Variants in AGBL4 observed in about 807,000 individuals in gnomAD.
The protein encoded by AGBL4 is AGBL carboxypeptidase 4.
Under a neutral mutation model 66.4 loss-of-function variants are expected in AGBL4, and 58 were observed. That is an observed-to-expected ratio of 0.87 (90% CI 0.71 to 1.09). The LOEUF (loss-of-function observed/expected upper bound fraction) is 1.09. AGBL4 is among the 50% of genes least tolerant of loss of function. AGBL4 has a pLI of 0.00. For synonymous variants in AGBL4, 234 were observed against 222.9 expected, an observed-to-expected ratio of 1.05 and a Z score of -0.44; for missense variants, 579 against 631.0, an observed-to-expected ratio of 0.92 and a Z score of 0.88.
At chr1:48,604,598 C>G (rs1645128170) in intron 9 of AGBL4, among the ~76,000 whole-genome samples, 1 of 151,610 alleles carries the variant, frequency 6.6e-6, no homozygotes, top group Admixed American at 6.6e-5. Context: ...TGTTAGGATA[C>G]AGAATCAAAG....
At chr1:48,968,789 T>C (rs969915911) in intron 5 of AGBL4, among the ~76,000 whole-genome samples, 31 of 152,008 alleles carry the variant, frequency 2.0e-4, no homozygotes, top group African/African-American at 7.0e-4. Context: ...TTTCATAAGC[T>C]TGCAACACCA....
chr1:48,766,977 A>C lies in AGBL4; in HGVS notation c.634+100214T>G, dbSNP rs146612259. On this transcript the variant is annotated intron_variant, in intron 6 of 13. Transcript: ENST00000371839. ...GTGACTTCGTGAGAGACACTGGCTT[A>C]TATAGTGCAAATATCTGCTCTCTAT... Among the ~76,000 whole-genome samples, 503 of 152,356 alleles carry C rather than the reference A, an allele frequency of 3.3e-3. 1 individual carries two copies. Among genetic ancestry groups the C allele is most frequent in the African/African-American group, 0.012 (479 of 41,592 alleles).
chr1:49,491,804 A>C (rs1240184301), intron 3 of AGBL4, among the ~76,000 whole-genome samples: 1 of 151,926 alleles, frequency 6.6e-6, no homozygotes, highest in Non-Finnish European at 1.5e-5. Context: ...TCCAAAATGC[A>C]ATATAGTAGT....
intron 3 of AGBL4, among the ~76,000 whole-genome samples, chr1:49,421,705 C>T (rs188315873): frequency 5.3e-5 from 8 of 152,230 alleles, no homozygotes; most frequent in East Asian, 1.9e-4. Flanking sequence ...TCTTTTAATT[C>T]TACCTGTATT....
At chr1:48,896,457 C>G (rs1651518743) in intron 5 of AGBL4, among the ~76,000 whole-genome samples, 1 of 152,240 alleles carries the variant, frequency 6.6e-6, no homozygotes, top group Non-Finnish European at 1.5e-5. Context: ...CACATCATAG[C>G]TGGCCTATGT....
chr1:48,577,664 C>G (rs972554509), intron 11 of AGBL4, among the ~76,000 whole-genome samples: 2 of 151,672 alleles, frequency 1.3e-5, no homozygotes, highest in Non-Finnish European at 2.9e-5. Context: ...CAAGGCAGGG[C>G]TCACAACAGG....
chr1:49,791,297 A>C (rs1275075356), intron 2 of AGBL4, among the ~76,000 whole-genome samples: 1 of 152,106 alleles, frequency 6.6e-6, no homozygotes, highest in Non-Finnish European at 1.5e-5. Context: ...TGGAATACTA[A>C]ATATATGCAT....
Position 49,277,851 on chromosome 1 carries a change from T to C in AGBL4, c.283-31987A>G, listed in dbSNP as rs967795003. Among the ~76,000 whole-genome samples the C allele has an allele frequency of 4.6e-5, 7 of 152,294 alleles. No homozygotes were observed. In the South Asian group the frequency reaches 1.5e-3, roughly 32 times the overall value. The stretch of plus-strand genomic sequence containing the variant: ...TTTCCCATATTGTTTTCTCTGTTTG[T>C]TTCCAGAATCCACTGAATGGTGTTC... On this transcript the variant is annotated intron_variant, in intron 3 of 13. Transcript: ENST00000371839.
At chr1:49,354,480 CT>C (rs1290601688) in intron 3 of AGBL4, among the ~76,000 whole-genome samples, 1 of 152,158 alleles carries the variant, frequency 6.6e-6, no homozygotes, top group Non-Finnish European at 1.5e-5. Context: ...CTTTTAAATG[CT>C]AGAGAACCCC....
At chr1:49,561,245 T>A (rs930169045) in intron 3 of AGBL4, among the ~76,000 whole-genome samples, 9 of 150,274 alleles carry the variant, frequency 6.0e-5, no homozygotes, top group Non-Finnish European at 1.3e-4. Flanking sequence ...TTAAGTTTTC[T>A]TTTTAAAAAA....
chr1:49,612,622 A>G (rs997009667), intron 3 of AGBL4, among the ~76,000 whole-genome samples: 3 of 152,224 alleles, frequency 2.0e-5, no homozygotes, highest in Non-Finnish European at 4.4e-5. Context: ...ACAAACATGA[A>G]AAAATGCTCA....
chr1:49,434,029 CGTG>C (rs1180287004), intron 3 of AGBL4, among the ~76,000 whole-genome samples: 26 of 152,122 alleles, frequency 1.7e-4, no homozygotes, highest in Non-Finnish European at 3.7e-4. Context: ...GTGTGAGGAT[CGTG>C]CTATACACTT....
chr1:48,611,815 C>A (rs1448222502), intron 9 of AGBL4, among the ~76,000 whole-genome samples: 1 of 152,232 alleles, frequency 6.6e-6, no homozygotes, highest in African/African-American at 2.4e-5. Context: ...CGCTTCGGAT[C>A]TGTGTGAGAC....
chr1:48,859,206 T>C (rs1330461747), intron 6 of AGBL4, among the ~76,000 whole-genome samples: 1 of 152,138 alleles, frequency 6.6e-6, no homozygotes, highest in Non-Finnish European at 1.5e-5. Context: ...TATTTCTGGA[T>C]GTGTTGAATA....
chr1:49,527,892 A>G (rs1185665597), intron 3 of AGBL4, among the ~76,000 whole-genome samples: 1 of 152,154 alleles, frequency 6.6e-6, no homozygotes, highest in Non-Finnish European at 1.5e-5. Context: ...ATCAAAAGTT[A>G]GACTCCTCCA....
intron 3 of AGBL4, among the ~76,000 whole-genome samples, chr1:49,507,422 CT>C (rs1392834384): frequency 2.0e-5 from 3 of 152,172 alleles, no homozygotes; most frequent in African/African-American, 7.2e-5. Flanking sequence ...TATTTACCAA[CT>C]TACACTCCTG....
chr1:49,306,340 A>G (rs1047441261), intron 3 of AGBL4, among the ~76,000 whole-genome samples: 6 of 152,220 alleles, frequency 3.9e-5, no homozygotes, highest in African/African-American at 1.4e-4. Flanking sequence ...GGGATTTATT[A>G]TAAGAATGTT....
At chr1:49,051,087 C>A (rs1439846898) in intron 4 of AGBL4, among the ~76,000 whole-genome samples, 1 of 151,962 alleles carries the variant, frequency 6.6e-6, no homozygotes, top group Non-Finnish European at 1.5e-5. Flanking sequence ...AGACAGGAGC[C>A]CTAATTTCCT....
chr1:49,626,161 T>C (rs1175335698), intron 3 of AGBL4, among the ~76,000 whole-genome samples: 1 of 152,154 alleles, frequency 6.6e-6, no homozygotes, highest in African/African-American at 2.4e-5. Flanking sequence ...CTCTTATGTA[T>C]TGTACATACC....
Sources: allele counts gnomAD v4.1 joint callset (sites outside exome capture counted in the v4.1 genomes callset), GRCh38; gene constraint gnomAD v4.1.1; transcripts MANE v1.5; gene names NCBI Gene and HGNC (gene_info 2026-07-23, HGNC 2026-07-21).